The following PIP4K2A variants were observed in gnomAD, a reference collection of about 807,000 sequenced individuals.
The protein encoded by PIP4K2A is phosphatidylinositol 5-phosphate 4-kinase type-2 alpha.
Under a neutral mutation model 42.9 loss-of-function variants are expected in PIP4K2A, and 14 were observed. The observed-to-expected ratio is 0.33, with a 90% CI of 0.22 to 0.51. PIP4K2A has a LOEUF of 0.51. PIP4K2A is among the 20% of genes least tolerant of loss of function. The probability of loss-of-function intolerance (pLI) is 0.97; values close to 1 mark genes in which losing one functional copy is unlikely to be tolerated. For missense variants in PIP4K2A, 434 were observed against 519.8 expected, an observed-to-expected ratio of 0.83 and a Z score of 1.61; for synonymous variants, 192 against 192.2, an observed-to-expected ratio of 1.00 and a Z score of 0.01.
At chr10:22,564,579 A>C (rs1275008384) in intron 6 of PIP4K2A, among the ~76,000 whole-genome samples, 1 of 152,224 alleles carries the variant, frequency 6.6e-6, no homozygotes, top group African/African-American at 2.4e-5. Flanking sequence ...CATGGGCTAA[A>C]ACTGAAATAC....
At chr10:22,710,491 T>C (rs1377024721) in intron 1 of PIP4K2A, among the ~76,000 whole-genome samples, 2 of 152,300 alleles carry the variant, frequency 1.3e-5, no homozygotes, top group East Asian at 3.9e-4. Flanking sequence ...GAAACCCTTT[T>C]GGGGGAGCAG....
intron 3 of PIP4K2A, among the ~76,000 whole-genome samples, chr10:22,602,419 A>G (rs1837808286): frequency 6.6e-6 from 1 of 151,122 alleles, no homozygotes; most frequent in African/African-American, 2.5e-5. Flanking sequence ...AAAAGAAAAG[A>G]AAAGAAAGAA....
intron 4 of PIP4K2A, among the ~76,000 whole-genome samples, chr10:22,589,524 C>A (rs1837465348): frequency 6.6e-6 from 1 of 152,144 alleles, no homozygotes; most frequent in Admixed American, 6.5e-5. Context: ...AAACTAGAGG[C>A]AGTACCAAGT....
chr10:22,664,208 T>TATATATACATATATATATAC (rs1564460343), intron 1 of PIP4K2A, among the ~76,000 whole-genome samples: 1 of 62,474 alleles, frequency 1.6e-5, no homozygotes, highest in African/African-American at 8.6e-5. Flanking sequence ...TATATACATA[T>TATATATACATATATATATAC]ATATATATAC....
At chr10:22,658,047 AT>A (rs1188308656) in intron 1 of PIP4K2A, among the ~76,000 whole-genome samples, 1 of 152,164 alleles carries the variant, frequency 6.6e-6, no homozygotes, top group Non-Finnish European at 1.5e-5. Flanking sequence ...GAAACGTGTA[AT>A]TTTTTTCTAA....
chr10:22,591,546 A>G (rs1409641149), intron 4 of PIP4K2A, 83 bp downstream of exon 4: 6 of 1,036,308 alleles, frequency 5.8e-6, no homozygotes, highest in African/African-American at 1.6e-5. Flanking sequence ...CTCTAACTAT[A>G]TATTTAAATC....
At chr10:22,597,504 C>G (rs1564436271) in intron 3 of PIP4K2A, among the ~76,000 whole-genome samples, 1 of 152,116 alleles carries the variant, frequency 6.6e-6, no homozygotes, top group Non-Finnish European at 1.5e-5. Context: ...AGAAGACTGT[C>G]CCATCCACTT....
chr10:22,565,478 A>T (rs539037628), intron 6 of PIP4K2A, among the ~76,000 whole-genome samples: 277 of 152,192 alleles, frequency 1.8e-3, no homozygotes, highest in Non-Finnish European at 2.5e-3. Context: ...CACTTCCCCA[A>T]TCAATACCCT....
At chr10:22,548,492 T>C (rs1399530848) in intron 7 of PIP4K2A, among the ~76,000 whole-genome samples, 2 of 152,228 alleles carry the variant, frequency 1.3e-5, no homozygotes, top group African/African-American at 4.8e-5. Context: ...CCCTAAGGGC[T>C]ACTTACCATA....
At chr10:22,575,935 C>A (rs1165419363) in intron 4 of PIP4K2A, among the ~76,000 whole-genome samples, 1 of 149,894 alleles carries the variant, frequency 6.7e-6, no homozygotes, top group African/African-American at 2.5e-5. Context: ...AAGACGCCAT[C>A]TCAAAAAAAA....
chr10:22,639,863 C>T (rs1234648791), intron 1 of PIP4K2A, among the ~76,000 whole-genome samples: 1 of 152,132 alleles, frequency 6.6e-6, no homozygotes, highest in Non-Finnish European at 1.5e-5. Context: ...ATTCACACTC[C>T]CTGCTCCAGA....
At chr10:22,611,594 G>A (rs1838040859) in intron 1 of PIP4K2A, among the ~76,000 whole-genome samples, 1 of 152,174 alleles carries the variant, frequency 6.6e-6, no homozygotes, top group African/African-American at 2.4e-5. Context: ...CTGACAGCTA[G>A]CTTCTCAAAC....
intron 1 of PIP4K2A, among the ~76,000 whole-genome samples, chr10:22,660,510 A>AT (rs11407504): frequency 0.019 from 2,890 of 150,270 alleles, 105 homozygotes; most frequent in African/African-American, 0.067. Context: ...TGAATCCTGA[A>AT]TTTTTTTTTT....
chr10:22,561,674 C>T (rs35549346), intron 6 of PIP4K2A, among the ~76,000 whole-genome samples: 35,221 of 144,410 alleles, frequency 0.24, 5,198 homozygotes, highest in East Asian at 0.44. Context: ...ATCCTGAGTT[C>T]AAGCAATCCT....
Position 22,670,673 on chromosome 10 carries a change from A to T in PIP4K2A, c.144+43510T>A, listed in dbSNP as rs548625266. ...TTTAAAGCTAATTTAGTAAAAACTT[A>T]TATATTTCTCCATAGTATTCAAAAA... On this transcript the variant is annotated intron_variant, in intron 1 of 9. Coordinates refer to ENST00000376573, the MANE Select transcript of PIP4K2A (RefSeq NM_005028.5). Among the ~76,000 whole-genome samples the T allele has an allele frequency of 1.2e-4, 19 of 152,338 alleles. No individual in the cohort carries two copies. In the South Asian group the frequency reaches 1.9e-3, roughly 15 times the overall value.
intron 1 of PIP4K2A, among the ~76,000 whole-genome samples, chr10:22,621,903 G>A (rs1291925247): frequency 6.6e-6 from 1 of 152,150 alleles, no homozygotes; most frequent in African/African-American, 2.4e-5. Context: ...ACAACAGAGG[G>A]GCCGCCTGCT....
intron 1 of PIP4K2A, among the ~76,000 whole-genome samples, chr10:22,675,885 T>C (rs1324431557): frequency 6.6e-6 from 1 of 152,214 alleles, no homozygotes; most frequent in Non-Finnish European, 1.5e-5. Context: ...AGAAGGAAAC[T>C]GATCCACAAA....
chr10:22,663,888 G>A (rs532091963), intron 1 of PIP4K2A, among the ~76,000 whole-genome samples: 1 of 150,856 alleles, frequency 6.6e-6, no homozygotes, highest in East Asian at 1.9e-4. Context: ...ATTATCAACA[G>A]AGTTGCATGA....
At chr10:22,563,244 A>G (rs1248231591) in intron 6 of PIP4K2A, among the ~76,000 whole-genome samples, 10 of 152,124 alleles carry the variant, frequency 6.6e-5, no homozygotes, top group Non-Finnish European at 1.5e-5. Context: ...GTTATTAGAA[A>G]CCTCAACCAC....
Sources: gnomAD v4.1 joint callset for allele counts (sites outside exome capture counted in the v4.1 genomes callset) on GRCh38, gnomAD v4.1.1 for gene constraint, MANE v1.5 for transcripts, NCBI Gene and HGNC (gene_info 2026-07-23, HGNC 2026-07-21) for gene names.